COL25A1: variants seen among roughly 807,000 people sequenced by gnomAD.
The protein encoded by COL25A1 is collagen type XXV alpha 1 chain, also known as collagen alpha-1(XXV) chain.
Under a neutral mutation model 128.4 loss-of-function variants are expected in COL25A1, and 103 were observed. The observed-to-expected ratio is 0.80, with a 90% CI of 0.68 to 0.94. The LOEUF (loss-of-function observed/expected upper bound fraction) is 0.94, where lower values mean the gene tolerates loss of function less well. Among genes scored for constraint, COL25A1 ranks in the 40% least tolerant of loss-of-function variants. The pLI is 0.00. For missense variants in COL25A1, 745 were observed against 840.0 expected, an observed-to-expected ratio of 0.89 and a Z score of 1.40; for synonymous variants, 279 against 277.2, an observed-to-expected ratio of 1.01 and a Z score of -0.06.
At chr4:109,022,248 G>T (rs1757845093) in intron 5 of COL25A1, 1 of 444,502 alleles carries the variant, frequency 2.2e-6, no homozygotes. Flanking sequence ...TCTCAGACTG[G>T]CTGACACTTA....
At chr4:109,234,928 C>T (rs963410164) in intron 3 of COL25A1, among the ~76,000 whole-genome samples, 1 of 152,048 alleles carries the variant, frequency 6.6e-6, no homozygotes, top group African/African-American at 2.4e-5. Flanking sequence ...ATAGCCAATA[C>T]ATAACTGTAT....
At chr4:109,053,373 A>G (rs1761155612) in intron 3 of COL25A1, among the ~76,000 whole-genome samples, 1 of 152,162 alleles carries the variant, frequency 6.6e-6, no homozygotes, top group African/African-American at 2.4e-5. Context: ...AGCCTCCTAA[A>G]CCACGCCAGT....
intron 3 of COL25A1, among the ~76,000 whole-genome samples, chr4:109,235,174 T>C (rs1468730432): frequency 6.6e-6 from 1 of 152,016 alleles, no homozygotes; most frequent in Non-Finnish European, 1.5e-5. Flanking sequence ...CAGAGATTGC[T>C]AAGTGAGAAA....
At position 108,880,071 on chromosome 4, in the gene COL25A1, A is replaced by G. The variant is rs529398511; in HGVS notation, c.1020+4107T>C. Reference sequence around the variant, plus strand: ...TGATCCACCCGCCTTGGCCTCCCAAAGTGCTGGGATTACAGGTTTGAGCCA... The same window carrying G: ...TGATCCACCCGCCTTGGCCTCCCAAGGTGCTGGGATTACAGGTTTGAGCCA... On this transcript the variant is annotated intron_variant, in intron 19 of 37. Coordinates refer to ENST00000399132, the MANE Select transcript of COL25A1 (RefSeq NM_198721.4). Among the ~76,000 whole-genome samples, 12 of 152,318 alleles carry G rather than the reference A, an allele frequency of 7.9e-5. No individual in the cohort carries two copies. The South Asian group carries it at 2.5e-3, about 32-fold the overall frequency.
chr4:109,093,472 A>AAAAAAAAAC (rs765991576), intron 3 of COL25A1, among the ~76,000 whole-genome samples: 28 of 145,534 alleles, frequency 1.9e-4, no homozygotes, highest in East Asian at 1.2e-3. Flanking sequence ...AAAAAAAAAA[A>AAAAAAAAAC]AAAACCTTTT....
chr4:108,849,461 T>C (rs564473316), intron 26 of COL25A1, among the ~76,000 whole-genome samples: 1 of 152,256 alleles, frequency 6.6e-6, no homozygotes, highest in Non-Finnish European at 1.5e-5. Flanking sequence ...TTTATAAGGA[T>C]TTTTGACAAA....
intron 5 of COL25A1, among the ~76,000 whole-genome samples, chr4:109,034,304 T>C (rs1403574178): frequency 6.6e-6 from 1 of 152,196 alleles, no homozygotes; most frequent in East Asian, 1.9e-4. Flanking sequence ...AAAAATGTCA[T>C]TTCTGGAAAA....
At chr4:108,826,915 T>G (rs942321611) in intron 33 of COL25A1, among the ~76,000 whole-genome samples, 2 of 152,164 alleles carry the variant, frequency 1.3e-5, no homozygotes, top group African/African-American at 4.8e-5. Flanking sequence ...CCTGTCAATC[T>G]CGTGAAGTGC....
intron 6 of COL25A1, among the ~76,000 whole-genome samples, chr4:108,975,078 G>A (rs181964397): frequency 5.9e-5 from 9 of 152,286 alleles, no homozygotes; most frequent in African/African-American, 2.2e-4. Flanking sequence ...ATACTCCACT[G>A]TATGACTATA....
chr4:108,959,207 C>G (rs956131172), intron 8 of COL25A1, among the ~76,000 whole-genome samples: 8 of 152,066 alleles, frequency 5.3e-5, no homozygotes, highest in Admixed American at 5.2e-4. Context: ...CTCCATTCAC[C>G]TTCAGCCAAC....
chr4:108,822,400 TA>T (rs1330009807), intron 35 of COL25A1, among the ~76,000 whole-genome samples: 4 of 152,264 alleles, frequency 2.6e-5, no homozygotes, highest in African/African-American at 9.6e-5. Flanking sequence ...TAGGTAAATA[TA>T]AAATGCATAT....
At chr4:108,933,825 T>G (rs1314097387) in intron 11 of COL25A1, among the ~76,000 whole-genome samples, 1 of 149,818 alleles carries the variant, frequency 6.7e-6, no homozygotes, top group African/African-American at 2.4e-5. Flanking sequence ...GAACTACTTT[T>G]CTCCCTACCA....
intron 6 of COL25A1, among the ~76,000 whole-genome samples, chr4:109,001,423 A>ATCTGCGATCCT (rs149946011): frequency 6.6e-6 from 1 of 150,452 alleles, no homozygotes; most frequent in Non-Finnish European, 1.5e-5. Context: ...TCAGGTAGGC[A>ATCTGCGATCCT]GTGAGCTAGA....
At chr4:108,962,193 T>G (rs1338197545) in intron 8 of COL25A1, among the ~76,000 whole-genome samples, 2 of 134,870 alleles carry the variant, frequency 1.5e-5, no homozygotes, top group Non-Finnish European at 3.3e-5. Flanking sequence ...TTCTTTTTTT[T>G]TCTTTTTTTT....
chr4:108,810,691 G>A lies in COL25A1; in HGVS notation c.*3236C>T, dbSNP rs1301680709. Reference sequence around the variant, plus strand: ...AAGTAGATAAAGGCATATGATGTATGAAATGAATATGAAATAGGAGGATCC... The same window carrying A: ...AAGTAGATAAAGGCATATGATGTATAAAATGAATATGAAATAGGAGGATCC... On this transcript the variant is annotated 3_prime_UTR_variant, in exon 38 of 38. Coordinates refer to ENST00000399132, the MANE Select transcript of COL25A1 (RefSeq NM_198721.4). The A allele has an allele frequency of 6.6e-6, 1 of 151,958 alleles. No individual in the cohort carries two copies. Among genetic ancestry groups the A allele is most frequent in the Non-Finnish European group, 1.5e-5 (1 of 67,846 alleles). 9.4% of individuals were successfully genotyped at this position (151,958 alleles called of 1,614,324 possible).
chr4:108,964,568 T>C (rs954868794), intron 8 of COL25A1, among the ~76,000 whole-genome samples: 2 of 152,104 alleles, frequency 1.3e-5, no homozygotes, highest in Non-Finnish European at 2.9e-5. Flanking sequence ...CCAAATCTCT[T>C]TTTTTCATAT....
intron 24 of COL25A1, 103 bp from the exon 25 acceptor site, chr4:108,853,028 G>A: frequency 1.0e-6 from 1 of 970,140 alleles, no homozygotes; most frequent in South Asian, 1.5e-5. Flanking sequence ...TGTTTGGCTA[G>A]TCTGATATCT....
chr4:108,852,902 C>T lies in COL25A1; in HGVS notation c.1344G>A (p.Thr448=), dbSNP rs770451347. The T allele has an allele frequency of 8.1e-6, 13 of 1,609,894 alleles. No individual in the cohort carries two copies. Among genetic ancestry groups the T allele is most frequent in the Admixed American group, 3.4e-5 (2 of 59,064 alleles). The change falls in exon 25 of 38, where the codon ACG becomes ACA. Residue 448 remains threonine, a splice_region_variant and synonymous_variant. Coordinates refer to ENST00000399132, the MANE Select transcript of COL25A1 (RefSeq NM_198721.4). ...ALQRITTLTV[T]GPPGPPGPQG... is the part of the protein sequence containing the mutation. ...ACAGAAAGCATGCAATAGGAGTTAC[C>T]GTGACAGTTAAGGTGGTAATCCTCT...
At chr4:109,237,987 T>C (rs1779583623) in intron 3 of COL25A1, among the ~76,000 whole-genome samples, 1 of 152,116 alleles carries the variant, frequency 6.6e-6, no homozygotes, top group East Asian at 1.9e-4. Context: ...ATAGCATGTG[T>C]CAGAATATCT....
Sources: gnomAD v4.1 joint callset for allele counts (sites outside exome capture counted in the v4.1 genomes callset) on GRCh38, gnomAD v4.1.1 for gene constraint, MANE v1.5 for transcripts, NCBI Gene and HGNC (gene_info 2026-07-23, HGNC 2026-07-21) for gene names.